The following INTS14 variants were observed in gnomAD, a reference collection of about 807,000 sequenced individuals.
INTS14 encodes the protein UPF0464 protein C15orf44.
Under a neutral mutation model 56.9 loss-of-function variants are expected in INTS14, and 27 were observed. The observed-to-expected ratio is 0.47, with a 90% CI of 0.35 to 0.65. The LOEUF (loss-of-function observed/expected upper bound fraction) is 0.65. Ranked by LOEUF, INTS14 falls within the 30% of genes least tolerant of loss-of-function variation. The pLI is 0.00. For synonymous variants in INTS14, 207 were observed against 236.2 expected, an observed-to-expected ratio of 0.88 and a Z score of 1.13; for missense variants, 517 against 632.2, an observed-to-expected ratio of 0.82 and a Z score of 1.95.
chr15:65,593,663 G>A, intron 7 of INTS14, 91 bp from the exon 8 acceptor site: 1 of 1,460,696 alleles, frequency 6.8e-7, no homozygotes, highest in Non-Finnish European at 9.2e-7. Context: ...TAGCCTTTAA[G>A]GGATAGTGTA....
At chr15:65,608,638 G>A (rs2073743211) in intron 1 of INTS14, among the ~76,000 whole-genome samples, 1 of 152,134 alleles carries the variant, frequency 6.6e-6, no homozygotes, top group Non-Finnish European at 1.5e-5. Context: ...ATGTACTACA[G>A]ATATCAGAAA....
intron 3 of INTS14, among the ~76,000 whole-genome samples, chr15:65,602,355 G>A (rs1172059194): frequency 2.7e-5 from 4 of 150,102 alleles, no homozygotes; most frequent in African/African-American, 9.9e-5. Context: ...GCACGTTCTC[G>A]GCTCACTACA....
At chr15:65,592,779 T>C (rs558262312) in intron 8 of INTS14, among the ~76,000 whole-genome samples, 1 of 152,098 alleles carries the variant, frequency 6.6e-6, no homozygotes, top group Non-Finnish European at 1.5e-5. Context: ...ATTTTATAGA[T>C]GAGAAGTCTG....
At chr15:65,588,114 C>T (rs1335616212) in intron 9 of INTS14, among the ~76,000 whole-genome samples, 1 of 147,846 alleles carries the variant, frequency 6.8e-6, no homozygotes, top group Non-Finnish European at 1.5e-5. Flanking sequence ...CATGGTGAAA[C>T]CCCGTACCTA....
intron 7 of INTS14, among the ~76,000 whole-genome samples, chr15:65,594,454 G>A (rs2073138513): frequency 1.3e-5 from 2 of 149,784 alleles, no homozygotes; most frequent in South Asian, 4.2e-4. Context: ...GTGCAGTGGC[G>A]CGATCTCGGC....
Position 65,593,414 on chromosome 15 carries a change from A to G in INTS14, c.986+14T>C. The stretch of plus-strand genomic sequence containing the variant: ...TTCCCTTTCATTCAACCAAATGTAA[A>G]CAAAGTTTCCTACCCTAATTGAACA... On this transcript the variant is annotated intron_variant, in intron 8 of 11. Transcript: ENST00000313182. 6.3e-7 allele frequency: 1 copy of G among 1,599,922 alleles called. No individual in the cohort carries two copies. Among genetic ancestry groups the G allele is most frequent in the Non-Finnish European group, 8.5e-7 (1 of 1,173,464 alleles).
intron 9 of INTS14, among the ~76,000 whole-genome samples, chr15:65,590,288 TG>T (rs1185379849): frequency 6.6e-6 from 1 of 152,362 alleles, no homozygotes; most frequent in East Asian, 1.9e-4. Context: ...ACTGTACAAC[TG>T]CAGGGGGCAC....
chr15:65,593,227 T>C (rs1490085262), intron 8 of INTS14, among the ~76,000 whole-genome samples: 1 of 151,576 alleles, frequency 6.6e-6, no homozygotes, highest in Admixed American at 6.6e-5. Flanking sequence ...CATGCCACTG[T>C]ACCCCTGGGG....
At position 65,579,278 on chromosome 15, in the gene INTS14, AGTG is replaced by A; in HGVS notation, c.*127_*129del. ...ACTAGTAGAGTCATTCAAAACAGCA[AGTG>A]GTGCTTCTGAGGCAGCCTCAGGAAG... On this transcript the variant is annotated 3_prime_UTR_variant, in exon 12 of 12. Transcript: ENST00000313182. The A allele has an allele frequency of 7.7e-7, 1 of 1,301,930 alleles. No homozygotes were observed. Among genetic ancestry groups the A allele is most frequent in the Non-Finnish European group, 1.1e-6 (1 of 949,598 alleles). The allele number at this position is 1,301,930 out of a possible 1,614,324, so 80.6% of individuals were successfully genotyped here. A position where few individuals can be genotyped will look rare whatever the true frequency, so the allele number is the denominator to read the frequency against.
chr15:65,596,654 T>A (rs2073223197), intron 6 of INTS14, among the ~76,000 whole-genome samples: 1 of 152,164 alleles, frequency 6.6e-6, no homozygotes. Context: ...AACTGCAACC[T>A]CCTCCTCCTG....
chr15:65,600,590 C>A (rs1480785593), intron 3 of INTS14, among the ~76,000 whole-genome samples: 1 of 151,888 alleles, frequency 6.6e-6, no homozygotes, highest in Non-Finnish European at 1.5e-5. Flanking sequence ...CCACTGCAGT[C>A]CAGCCTGGGT....
chr15:65,611,103 G>A lies in INTS14; in HGVS notation c.-68C>T, dbSNP rs770241968. The A allele has an allele frequency of 2.0e-6, 3 of 1,535,752 alleles. No individual in the cohort carries two copies. Among genetic ancestry groups the A allele is most frequent in the East Asian group, 2.4e-5 (1 of 40,906 alleles). On this transcript the variant is annotated 5_prime_UTR_variant, in exon 1 of 12. Transcript: ENST00000313182. ...CCCTCGGCCTCCCCACTCACCCCGT[G>A]CCCATCGCCGGACACAGTCCGTCGG...
chr15:65,605,325 T>C, intron 2 of INTS14, 89 bp from the exon 3 acceptor site: 1 of 964,720 alleles, frequency 1.0e-6, no homozygotes, highest in Non-Finnish European at 1.6e-6. Flanking sequence ...GTATGAATGT[T>C]ACACAGGGGA....
chr15:65,611,016 T>C, intron 1 of INTS14, 82 bp downstream of exon 1: 1 of 1,525,512 alleles, frequency 6.6e-7, no homozygotes, highest in Non-Finnish European at 8.8e-7. Flanking sequence ...TGGCCCTGGG[T>C]TGTTCTTCAC....
At chr15:65,586,091 CTTATTCAT>C (rs1226316533) in intron 9 of INTS14, among the ~76,000 whole-genome samples, 1 of 147,200 alleles carries the variant, frequency 6.8e-6, no homozygotes, top group Non-Finnish European at 1.5e-5. Context: ...TACTCATTCA[CTTATTCAT>C]TCATTATCTA....
At chr15:65,595,170 T>G (rs2073169108) in intron 7 of INTS14, among the ~76,000 whole-genome samples, 1 of 152,204 alleles carries the variant, frequency 6.6e-6, no homozygotes, top group African/African-American at 2.4e-5. Flanking sequence ...AAAAAGATAA[T>G]TTTAAAGAGT....
chr15:65,595,219 G>C lies in INTS14; in HGVS notation c.841+514C>G, dbSNP rs117649204. The stretch of plus-strand genomic sequence containing the variant: ...TCTCCAGAGAGATGCTGAATTTGAG[G>C]AGATGACTTTATAGTTCCTAGAGAT... On this transcript the variant is annotated intron_variant, in intron 7 of 11. Transcript: ENST00000313182. Among the ~76,000 whole-genome samples the C allele has an allele frequency of 6.2e-3, 946 of 152,270 alleles. 3 individuals carry two copies. Among genetic ancestry groups the C allele is most frequent in the Middle Eastern group, 0.034 (10 of 294 alleles).
rs556488745 is a variant in INTS14 at position 65,591,572 on chromosome 15, T to C, written c.1120+26A>G. 1.2e-5 allele frequency: 19 copies of C among 1,608,168 alleles called. No homozygotes were observed. The African/African-American group carries it at 2.0e-4, about 17-fold the overall frequency. On this transcript the variant is annotated intron_variant, in intron 9 of 11. Transcript: ENST00000313182. ...CAGCAGAATGAAAACAAAGTCAGGATAAGTAAAATCTGATCTGGATTATAC... is the reference window on the plus strand; with the variant it reads ...CAGCAGAATGAAAACAAAGTCAGGACAAGTAAAATCTGATCTGGATTATAC...
In INTS14 at chr15:65,611,021, C is replaced by T. The variant is rs115066446; in HGVS notation, c.-63+77G>A. On this transcript the variant is annotated intron_variant, in intron 1 of 11. Coordinates refer to ENST00000313182, the MANE Select transcript of INTS14 (RefSeq NM_001394796.1). ...GGCCAAGCGCTGGCCCTGGGTTGTT[C>T]TTCACCCATAACCCCTTCACCTGTA... 1,095 of 1,527,962 alleles carry T rather than the reference C, an allele frequency of 7.2e-4. 9 individuals carry two copies. In the African/African-American group the frequency reaches 0.013, roughly 19 times the overall value. 94.7% of individuals were successfully genotyped at this position (1,527,962 alleles called of 1,614,324 possible).
Sources: gnomAD v4.1 joint callset for allele counts (sites outside exome capture counted in the v4.1 genomes callset) on GRCh38, gnomAD v4.1.1 for gene constraint, MANE v1.5 for transcripts, NCBI Gene and HGNC (gene_info 2026-07-23, HGNC 2026-07-21) for gene names.